The following KIF23 variants were observed in gnomAD, a reference collection of about 807,000 sequenced individuals.
KIF23 encodes the protein kinesin family member 23.
In KIF23, 30 loss-of-function variants were observed where a neutral mutation model predicts 137.5. The ratio of observed to expected loss-of-function variants is 0.22; its 90% CI spans 0.16 to 0.30. KIF23 has a LOEUF of 0.30. KIF23 is among the 10% of genes least tolerant of loss of function. KIF23 has a pLI of 1.00. For missense variants in KIF23, 920 were observed against 1,194.3 expected (o/e 0.77, Z 3.38); for synonymous variants, 367 against 391.1 (o/e 0.94, Z 0.73).
At chr15:69,434,955 G>A (rs1276114352) in intron 11 of KIF23, 15 of 646,546 alleles carry the variant, frequency 2.3e-5, no homozygotes, top group South Asian at 1.5e-4. Context: ...GAGGATGGGC[G>A]AGCCCTCAGG....
chr15:69,414,775 C>T, intron 1 of KIF23: 1 of 351,710 alleles, frequency 2.8e-6, no homozygotes. Flanking sequence ...TTCCCGGGGG[C>T]GGGGCAGTCC....
At chr15:69,414,566 C>T (rs941440815) in intron 1 of KIF23, 90 bp downstream of exon 1, 12 of 1,334,758 alleles carry the variant, frequency 9.0e-6, no homozygotes, top group African/African-American at 1.5e-5. Flanking sequence ...AGGCCGCGGC[C>T]GTACGCGGGC....
chr15:69,414,371 C>T lies in KIF23; in HGVS notation c.-95C>T, dbSNP rs2056830264. The T allele has an allele frequency of 6.6e-7, 1 of 1,515,560 alleles. No individual in the cohort carries two copies. The highest frequency in any genetic ancestry group is 1.4e-5 in the African/African-American group (1 of 71,774). The allele number at this position is 1,515,560 out of a possible 1,614,324, so 93.9% of individuals were successfully genotyped here. On this transcript the variant is annotated 5_prime_UTR_variant, in exon 1 of 24. Coordinates refer to ENST00000679126, the MANE Select transcript of KIF23 (RefSeq NM_001367805.3). ...TTCGCAGAGCACCGCGCCTTAGCCGCGAAGTTCTAGTTCTTGCTGCCGGTC... is the reference window on the plus strand; with the variant it reads ...TTCGCAGAGCACCGCGCCTTAGCCGTGAAGTTCTAGTTCTTGCTGCCGGTC...
intron 3 of KIF23, among the ~76,000 whole-genome samples, chr15:69,419,635 TTTACA>T (rs1233104500): frequency 6.6e-6 from 1 of 152,336 alleles, no homozygotes; most frequent in African/African-American, 2.4e-5. Flanking sequence ...GTATGCCTCC[TTTACA>T]TTACTTAACC....
chr15:69,419,531 G>A (rs970600531), intron 3 of KIF23, among the ~76,000 whole-genome samples: 11 of 152,068 alleles, frequency 7.2e-5, no homozygotes, highest in African/African-American at 2.2e-4. Flanking sequence ...ATGGGTCATC[G>A]TTGGGTTTCA....
At chr15:69,442,979 G>A (rs548963009) in intron 19 of KIF23, among the ~76,000 whole-genome samples, 1 of 152,266 alleles carries the variant, frequency 6.6e-6, no homozygotes, top group East Asian at 1.9e-4. Context: ...TCTTTCTGAA[G>A]TGTGTTTCAT....
intron 3 of KIF23, among the ~76,000 whole-genome samples, chr15:69,420,206 G>T (rs2057019561): frequency 6.6e-6 from 1 of 152,118 alleles, no homozygotes; most frequent in African/African-American, 2.4e-5. Flanking sequence ...AGAGGTTGCA[G>T]TGAGCCGAGA....
intron 10 of KIF23, among the ~76,000 whole-genome samples, chr15:69,427,211 C>T (rs1415062037): frequency 6.6e-6 from 1 of 152,152 alleles, no homozygotes; most frequent in Non-Finnish European, 1.5e-5. Flanking sequence ...TATGAAAATA[C>T]TACACCATTT....
intron 8 of KIF23, 43 bp from the exon 9 acceptor site, chr15:69,426,027 A>G: frequency 8.5e-7 from 1 of 1,182,902 alleles, no homozygotes; most frequent in Non-Finnish European, 1.2e-6. Flanking sequence ...AGATACCAGC[A>G]TCTCATAATT....
At chr15:69,436,753 T>C in intron 15 of KIF23, 31 bp downstream of exon 15, 1 of 1,372,054 alleles carries the variant, frequency 7.3e-7, no homozygotes, top group Non-Finnish European at 9.7e-7. Flanking sequence ...AATAATTTTA[T>C]TTAATTATTT....
intron 3 of KIF23, 67 bp downstream of exon 3, chr15:69,417,578 T>C (rs755605869): frequency 1.3e-6 from 2 of 1,512,602 alleles, no homozygotes; most frequent in Non-Finnish European, 1.8e-6. Flanking sequence ...TCTAGATTTT[T>C]AGATGTAACA....
Position 69,428,558 on chromosome 15 carries a change from G to T in KIF23, c.1012-553G>T, listed in dbSNP as rs541013848. Among the ~76,000 whole-genome samples, 3 of 148,658 alleles carry T rather than the reference G, an allele frequency of 2.0e-5. No individual in the cohort carries two copies. The East Asian group carries it at 6.1e-4, about 30-fold the overall frequency. ...GCCTGTAATCCCAGTTACTCGGAAG[G>T]CTGAGGCAAGAGAACCGCTTGAACC... On this transcript the variant is annotated intron_variant, in intron 10 of 23. Coordinates refer to ENST00000679126, the MANE Select transcript of KIF23 (RefSeq NM_001367805.3).
intron 22 of KIF23, 38 bp from the exon 23 acceptor site, chr15:69,446,833 A>C: frequency 6.4e-7 from 1 of 1,574,144 alleles, no homozygotes; most frequent in Non-Finnish European, 8.7e-7. Flanking sequence ...GACTATTGAG[A>C]GGAGCTGATC....
intron 11 of KIF23, among the ~76,000 whole-genome samples, chr15:69,429,930 T>C (rs896014801): frequency 1.4e-4 from 22 of 152,026 alleles, no homozygotes; most frequent in Admixed American, 1.2e-3. Context: ...GGTGGGAGAA[T>C]TGCTTGAGCC....
At chr15:69,418,261 G>C (rs1203335356) in intron 3 of KIF23, among the ~76,000 whole-genome samples, 2 of 152,062 alleles carry the variant, frequency 1.3e-5, no homozygotes, top group Non-Finnish European at 2.9e-5. Context: ...ATTTTAACCT[G>C]TTTGTCAGCA....
At chr15:69,428,660 C>CAAAAAAA (rs59950355) in intron 10 of KIF23, among the ~76,000 whole-genome samples, 25 of 74,056 alleles carry the variant, frequency 3.4e-4, no homozygotes, top group African/African-American at 1.4e-3. Context: ...CTCTGTCTCC[C>CAAAAAAA]AAAAAAAAAA....
At chr15:69,415,244 T>C (rs1372743501) in intron 1 of KIF23, among the ~76,000 whole-genome samples, 1 of 152,180 alleles carries the variant, frequency 6.6e-6, no homozygotes, top group East Asian at 1.9e-4. Flanking sequence ...ATAAGAAATA[T>C]ACGTTGAGTT....
chr15:69,445,765 A>AT (rs1281948774), intron 20 of KIF23, among the ~76,000 whole-genome samples: 1 of 152,002 alleles, frequency 6.6e-6, no homozygotes, highest in Non-Finnish European at 1.5e-5. Flanking sequence ...CAAAAGGAAT[A>AT]TTTTTTTCTG....
At chr15:69,429,260 T>G in intron 11 of KIF23, 47 bp downstream of exon 11, 1 of 1,301,448 alleles carries the variant, frequency 7.7e-7, no homozygotes, top group Non-Finnish European at 1.1e-6. Context: ...TTCAGAAACT[T>G]GCAATGCCAG....
Sources: gnomAD v4.1 joint callset for allele counts (sites outside exome capture counted in the v4.1 genomes callset) on GRCh38, gnomAD v4.1.1 for gene constraint, MANE v1.5 for transcripts, NCBI Gene and HGNC (gene_info 2026-07-23, HGNC 2026-07-21) for gene names.